Variants in CCDC74B observed in about 807,000 individuals in gnomAD.
CCDC74B encodes coiled-coil domain containing 74B.
A neutral mutation model predicts 38.0 loss-of-function variants in CCDC74B; 34 were observed. That is an observed-to-expected ratio of 0.89 (90% CI 0.68 to 1.19). CCDC74B has a LOEUF of 1.19. Ranked by LOEUF, CCDC74B falls within the 50% of genes most tolerant of loss-of-function variation. CCDC74B has a pLI of 0.00. For synonymous variants in CCDC74B, 132 were observed against 170.4 expected (o/e 0.77, Z 1.76); for missense variants, 358 against 406.0 (o/e 0.88, Z 1.02).
At chr2:130,141,961 AT>A in intron 3 of CCDC74B, 171 bp downstream of exon 3, 4 of 789,248 alleles carry the variant, frequency 5.1e-6, no homozygotes, top group Non-Finnish European at 5.7e-6. Context: ...CCCCCCCTTA[AT>A]CCCCTCCCGG....
intron 2 of CCDC74B, chr2:130,142,397 G>A (rs199812429): frequency 2.4e-5 from 39 of 1,613,594 alleles, no homozygotes; most frequent in Non-Finnish European, 3.1e-5. Flanking sequence ...AAGCAGGAGG[G>A]CTTGGGACAC....
At chr2:130,142,466 C>T (rs1685716639) in intron 2 of CCDC74B, 2 of 1,610,090 alleles carry the variant, frequency 1.2e-6, no homozygotes, top group African/African-American at 1.3e-5. Context: ...TCAGCGTCCC[C>T]AGCACTGCAG....
At chr2:130,144,637 T>C in intron 1 of CCDC74B, 110 bp downstream of exon 1, 4 of 1,547,440 alleles carry the variant, frequency 2.6e-6, no homozygotes, top group South Asian at 2.4e-5. Context: ...GTGTTCCCCC[T>C]GAGCCCAGGC....
chr2:130,140,454 C>T, intron 4 of CCDC74B, 83 bp from the exon 5 acceptor site: 1 of 1,457,204 alleles, frequency 6.9e-7, no homozygotes, highest in South Asian at 1.4e-5. Context: ...CAGGCAGCGC[C>T]CAGGCCAATG....
chr2:130,143,758 G>A (rs1452115767), intron 1 of CCDC74B, among the ~76,000 whole-genome samples: 3 of 152,078 alleles, frequency 2.0e-5, no homozygotes, highest in African/African-American at 7.2e-5. Flanking sequence ...GACGCCTGGT[G>A]ATGGGATACT....
chr2:130,142,597 C>G, intron 2 of CCDC74B: 2 of 1,547,024 alleles, frequency 1.3e-6, no homozygotes, highest in Non-Finnish European at 1.7e-6. Context: ...AGGGAGAGCC[C>G]TAGGCACTGC....
intron 5 of CCDC74B, 35 bp downstream of exon 5, chr2:130,140,141 AGAC>A: frequency 6.2e-7 from 1 of 1,611,626 alleles, no homozygotes; most frequent in Non-Finnish European, 8.5e-7. Context: ...TGGCGGTGCC[AGAC>A]TGCCCAGGGC....
chr2:130,140,575 G>A, intron 4 of CCDC74B: 15 of 579,892 alleles, frequency 2.6e-5, no homozygotes, highest in Non-Finnish European at 4.4e-5. Flanking sequence ...GGTGCCCTAA[G>A]GGTCAGATGG....
At position 130,139,872 on chromosome 2, in the gene CCDC74B, C is replaced by G; in HGVS notation, c.809+19G>C. ...AGGCTGCAGGGCTGCCCCACTGTCCCCATGCCTGTGGGACTTACCATTTCT... is the reference window on the plus strand; with the variant it reads ...AGGCTGCAGGGCTGCCCCACTGTCCGCATGCCTGTGGGACTTACCATTTCT... On this transcript the variant is annotated intron_variant, in intron 7 of 7. Coordinates refer to ENST00000409943, the MANE Select transcript of CCDC74B (RefSeq NM_001258307.2). 1 of 1,610,168 alleles carries G rather than the reference C, an allele frequency of 6.2e-7. No homozygotes were observed. The highest frequency in any genetic ancestry group is 1.3e-5 in the African/African-American group (1 of 74,990).
At chr2:130,142,021 C>A in intron 3 of CCDC74B, 112 bp downstream of exon 3, 3 of 1,380,674 alleles carry the variant, frequency 2.2e-6, no homozygotes, top group Non-Finnish European at 2.9e-6. Context: ...ATCCCCAAAT[C>A]CTGGAGCTTG....
In CCDC74B at chr2:130,142,930, A is replaced by G. The variant is rs201865676; in HGVS notation, c.295+339T>C. 21 of 1,550,078 alleles carry G rather than the reference A, an allele frequency of 1.4e-5. No homozygotes were observed. In the African/African-American group the frequency reaches 1.4e-4, roughly 10 times the overall value. On this transcript the variant is annotated intron_variant, in intron 2 of 7. Coordinates refer to ENST00000409943, the MANE Select transcript of CCDC74B (RefSeq NM_001258307.2). ...GATCCTGGGCCTGGCCACAGCAGCA[A>G]TCTGAGGCAAAGATCTAGCAGGGCA...
At chr2:130,143,214 G>A (rs1247055939) in intron 2 of CCDC74B, 55 bp downstream of exon 2, 1 of 1,590,458 alleles carries the variant, frequency 6.3e-7, no homozygotes, top group Non-Finnish European at 8.6e-7. Flanking sequence ...AGTCTGGAGG[G>A]GCTCCCCTGG....
intron 4 of CCDC74B, 30 bp downstream of exon 4, chr2:130,141,128 C>A: frequency 6.2e-7 from 1 of 1,611,632 alleles, no homozygotes; most frequent in South Asian, 1.1e-5. Context: ...CCTGGCCTGC[C>A]CTTGCACCCC....
In CCDC74B at chr2:130,140,182, T is replaced by C. The variant is rs145421181; in HGVS notation, c.675A>G (p.Gln225=). 1.2e-4 allele frequency: 197 copies of C among 1,612,608 alleles called. No individual in the cohort carries two copies. The highest frequency in any genetic ancestry group is 1.4e-4 in the Non-Finnish European group (163 of 1,179,578). Residue 225 remains glutamine, a synonymous_variant, in exon 5 of 8, where the codon CAA becomes CAG. Coordinates refer to ENST00000409943, the MANE Select transcript of CCDC74B (RefSeq NM_001258307.2). ...CCCCCACCACCCAGGGCCTCACCTC[T>C]TGGGTCTGCAGGAGGTTGGTATTCC... The part of the protein sequence containing the change: ...ELWNTNLLQT[Q]ELQHLKSLLE...
chr2:130,143,803 C>T (rs1356666644), intron 1 of CCDC74B, among the ~76,000 whole-genome samples: 1 of 151,818 alleles, frequency 6.6e-6, no homozygotes, highest in Middle Eastern at 3.2e-3. Context: ...GGGAACGGGG[C>T]GGGAGAGGAG....
chr2:130,144,363 T>C, intron 1 of CCDC74B: 1 of 874,314 alleles, frequency 1.1e-6, no homozygotes, highest in East Asian at 3.0e-5. Flanking sequence ...ATGGTCTCGA[T>C]CTCCTGACCT....
At position 130,140,383 on chromosome 2, in the gene CCDC74B, A is replaced by G; in HGVS notation, c.486-12T>C. On this transcript the variant is annotated splice_polypyrimidine_tract_variant and intron_variant, in intron 4 of 7. Coordinates refer to ENST00000409943, the MANE Select transcript of CCDC74B (RefSeq NM_001258307.2). ...CTGCTTTCTCCTTTCTGAAACAGTC[A>G]TTGCAGCAGCCAGAGGTGACCTGCC... The G allele has an allele frequency of 1.3e-6, 2 of 1,553,114 alleles. No homozygotes were observed. The highest frequency in any genetic ancestry group is 1.7e-6 in the Non-Finnish European group (2 of 1,150,944).
chr2:130,140,726 C>G, intron 4 of CCDC74B: 1 of 401,968 alleles, frequency 2.5e-6, no homozygotes, highest in East Asian at 5.1e-5. Flanking sequence ...AAAGTGTGCG[C>G]TCTGTAGCAT....
chr2:130,140,446 G>C (rs1339398432), intron 4 of CCDC74B, 75 bp from the exon 5 acceptor site: 2 of 1,478,730 alleles, frequency 1.4e-6, no homozygotes, highest in African/African-American at 2.8e-5. Context: ...TACCTCCCCA[G>C]GCAGCGCCCA....
Sources: allele counts gnomAD v4.1 joint callset (sites outside exome capture counted in the v4.1 genomes callset), GRCh38; gene constraint gnomAD v4.1.1; transcripts MANE v1.5; gene names NCBI Gene and HGNC (gene_info 2026-07-23, HGNC 2026-07-21).